The following EXOC2 variants were observed in gnomAD, a reference collection of about 807,000 sequenced individuals.
EXOC2 encodes the protein SEC5-like 1.
A neutral mutation model predicts 131.8 loss-of-function variants in EXOC2; 70 were observed. The observed-to-expected ratio is 0.53, with a 90% CI of 0.44 to 0.65. The LOEUF is 0.65. Ranked by LOEUF, EXOC2 falls within the 30% of genes least tolerant of loss-of-function variation. EXOC2 has a pLI of 0.00. For missense variants in EXOC2, 923 were observed against 1,108.6 expected, an observed-to-expected ratio of 0.83 and a Z score of 2.38; for synonymous variants, 411 against 398.4, an observed-to-expected ratio of 1.03 and a Z score of -0.38.
At chr6:649,113 T>C (rs1737541) in intron 1 of EXOC2, among the ~76,000 whole-genome samples, 143,771 of 152,202 alleles carry the variant, frequency 0.94, 68,041 homozygotes, top group East Asian at 1. Flanking sequence ...CTGCCTCCAA[T>C]TTCTGGCTTC....
rs866154160 is a variant in EXOC2, at chr6:520,780, C to G, written c.2380+11689G>C. Among the ~76,000 whole-genome samples the G allele has an allele frequency of 3.5e-4, 47 of 134,524 alleles. 3 individuals are homozygous for G. The highest frequency in any genetic ancestry group is 1.2e-3 in the African/African-American group (40 of 32,488). The allele number at this position is 134,524 out of a possible 152,430, so 88.3% of individuals were successfully genotyped here. On this transcript the variant is annotated intron_variant, in intron 23 of 27. Transcript: ENST00000230449. ...CTCGGACATGAAAACCACCACCCAC[C>G]GAGCACCAACACTCACCGTCCACAC...
At position 497,373 on chromosome 6, in the gene EXOC2, A is replaced by G. The variant is rs1763802187; in HGVS notation, c.2553T>C (p.Ala851=). 1 of 1,613,040 alleles carries G rather than the reference A, an allele frequency of 6.2e-7. No homozygotes were observed. The highest frequency in any genetic ancestry group is 1.3e-5 in the African/African-American group (1 of 74,916). Residue 851 remains alanine (A), a synonymous_variant, in exon 25 of 28, where the codon GCT becomes GCC. Transcript: ENST00000230449. ...QCVSSFSKNG[A]LQARLEICAL... is the part of the protein sequence containing the mutation. The stretch of plus-strand genomic sequence containing the variant: ...AATTGAATGATTTTGTTACCTGTAA[A>G]GCTCCATTTTTGCTGAAGGATGAAA...
intron 17 of EXOC2, among the ~76,000 whole-genome samples, chr6:558,331 A>C (rs569413509): frequency 3.5e-4 from 54 of 152,300 alleles, no homozygotes; most frequent in African/African-American, 1.3e-3. Flanking sequence ...ACAGTAATAA[A>C]ATAAGAAATA....
At chr6:564,780 C>A (rs1176586365) in intron 14 of EXOC2, 78 bp from the exon 15 acceptor site, 7 of 1,579,472 alleles carry the variant, frequency 4.4e-6, no homozygotes, top group Non-Finnish European at 6.0e-6. Flanking sequence ...GCTGCCTGGG[C>A]AGTAATGGAT....
Position 590,670 on chromosome 6 carries a change from G to A in EXOC2, c.1192+1799C>T, listed in dbSNP as rs1312695347. ...TCTCTTTCATCTTCTGCTTCATCTT[G>A]GAGATTTTGCTGACCACTCCCTTCT... On this transcript the variant is annotated intron_variant, in intron 11 of 27. Coordinates refer to ENST00000230449, the MANE Select transcript of EXOC2 (RefSeq NM_018303.6). 2.0e-5 allele frequency among the ~76,000 whole-genome samples: 3 copies of A among 152,252 alleles called. No individual in the cohort carries two copies. In the East Asian group the frequency reaches 5.8e-4, roughly 29 times the overall value.
At chr6:495,317 G>A (rs1763658493) in intron 25 of EXOC2, among the ~76,000 whole-genome samples, 1 of 151,926 alleles carries the variant, frequency 6.6e-6, no homozygotes. Context: ...AGTAGAGACG[G>A]GTTTCACCGT....
At chr6:596,174 A>C (rs973549172) in intron 10 of EXOC2, among the ~76,000 whole-genome samples, 1 of 151,806 alleles carries the variant, frequency 6.6e-6, no homozygotes, top group African/African-American at 2.4e-5. Flanking sequence ...GGCAGCATGC[A>C]AACACAGCAC....
At chr6:526,997 T>C (rs1010377006) in intron 23 of EXOC2, among the ~76,000 whole-genome samples, 2 of 152,224 alleles carry the variant, frequency 1.3e-5, no homozygotes, top group Non-Finnish European at 2.9e-5. Context: ...TTGCACATGG[T>C]ATATATGCAA....
Position 631,469 on chromosome 6 carries a change from C to T in EXOC2, c.295+1472G>A, listed in dbSNP as rs187032650. On this transcript the variant is annotated intron_variant, in intron 3 of 27. Transcript: ENST00000230449. ...AGGAGAATTGCTTGAACCTGGGAGG[C>T]GGAGGTTGCAGTAAGCCAAGATTGA... Among the ~76,000 whole-genome samples, 430 of 151,796 alleles carry T rather than the reference C, an allele frequency of 2.8e-3. 1 individual carries two copies. The highest frequency in any genetic ancestry group is 9.9e-3 in the African/African-American group (408 of 41,354).
intron 21 of EXOC2, among the ~76,000 whole-genome samples, chr6:552,255 C>T (rs929482195): frequency 1.3e-5 from 2 of 152,242 alleles, no homozygotes; most frequent in East Asian, 1.9e-4. Context: ...GGCAGGACGT[C>T]GCTCCCTGCT....
intron 13 of EXOC2, among the ~76,000 whole-genome samples, chr6:566,235 CT>C (rs1757958096): frequency 6.6e-6 from 1 of 152,110 alleles, no homozygotes; most frequent in Non-Finnish European, 1.5e-5. Flanking sequence ...TTGATTTTTC[CT>C]TTATTTTTAA....
chr6:663,512 G>T (rs1389230245), intron 1 of EXOC2, among the ~76,000 whole-genome samples: 3 of 152,176 alleles, frequency 2.0e-5, no homozygotes, highest in African/African-American at 7.2e-5. Context: ...CAATATCCTT[G>T]ATGAACATAG....
Position 610,122 on chromosome 6 carries a change from G to A in EXOC2, c.718C>T (p.Gln240Ter). 6.2e-7 allele frequency: 1 copy of A among 1,614,008 alleles called. No homozygotes were observed. Among genetic ancestry groups the A allele is most frequent in the East Asian group, 2.2e-5 (1 of 44,854 alleles). Residue 240 changes from glutamine (Q) to a stop codon, truncating the protein, a stop_gained, in exon 7 of 28, where the codon CAG becomes TAG. Coordinates refer to ENST00000230449, the MANE Select transcript of EXOC2 (RefSeq NM_018303.6). LOFTEE classifies it high-confidence loss of function. ...CTGTTCAGAACATTCTCCAGTTTCT[G>A]CGTCATGGATCCTTCTACTTTTTCC... The part of the protein sequence containing the change: ...GTEKVEGSMT[Q>*]KLENVLNRAS...
At chr6:610,447 A>C (rs546537264) in intron 6 of EXOC2, among the ~76,000 whole-genome samples, 3 of 152,264 alleles carry the variant, frequency 2.0e-5, no homozygotes, top group Admixed American at 6.5e-5. Context: ...AAGAAAAGGG[A>C]GACTTGAGGC....
intron 6 of EXOC2, 109 bp downstream of exon 6, chr6:617,602 T>C: frequency 7.3e-7 from 1 of 1,373,782 alleles, no homozygotes; most frequent in Non-Finnish European, 9.7e-7. Flanking sequence ...ATTTGAGATC[T>C]CTACTTTGAT....
chr6:657,053 C>T lies in EXOC2; in HGVS notation c.-43-19192G>A, dbSNP rs577167800. On this transcript the variant is annotated intron_variant, in intron 1 of 27. Coordinates refer to ENST00000230449, the MANE Select transcript of EXOC2 (RefSeq NM_018303.6). ...CTGCCCTCCCCGCCCTCCCTCCGGC[C>T]CCCCAGCTAGGCAGGCACTCGGGTT... 3.1e-3 allele frequency: 2,887 copies of T among 942,226 alleles called. 58 individuals are homozygous for T. The African/African-American group carries it at 0.044, about 14-fold the overall frequency. The allele number at this position is 942,226 out of a possible 1,614,324, so 58.4% of individuals were successfully genotyped here. A position where few individuals can be genotyped will look rare whatever the true frequency, so the allele number is the denominator to read the frequency against.
chr6:491,334 T>A, intron 25 of EXOC2, 148 bp from the exon 26 acceptor site: 1 of 714,668 alleles, frequency 1.4e-6, no homozygotes, highest in Non-Finnish European at 2.4e-6. Context: ...TGAGTAGAGT[T>A]TCTAAAACAG....
chr6:678,198 T>G (rs1038683443), intron 1 of EXOC2, among the ~76,000 whole-genome samples: 10 of 152,314 alleles, frequency 6.6e-5, no homozygotes, highest in Admixed American at 5.9e-4. Context: ...AATCAACTTG[T>G]TCAGCCATGG....
intron 7 of EXOC2, among the ~76,000 whole-genome samples, chr6:600,858 TAA>T (rs1421349465): frequency 2.0e-5 from 3 of 152,200 alleles, no homozygotes; most frequent in African/African-American, 7.2e-5. Flanking sequence ...TGACAAATTA[TAA>T]GTTATGAGAT....
Sources: gnomAD v4.1 joint callset for allele counts (sites outside exome capture counted in the v4.1 genomes callset) on GRCh38, gnomAD v4.1.1 for gene constraint, MANE v1.5 for transcripts, NCBI Gene and HGNC (gene_info 2026-07-23, HGNC 2026-07-21) for gene names.